Variants in TSEN2 observed in about 807,000 individuals in gnomAD.
TSEN2 encodes the protein tRNA splicing endonuclease subunit 2, also known as tRNA-splicing endonuclease subunit Sen2.
TSEN2 carries 54 observed loss-of-function variants against 59.2 expected under a neutral mutation model. The ratio of observed to expected loss-of-function variants is 0.91; its 90% CI spans 0.73 to 1.14. TSEN2 has a LOEUF of 1.14. TSEN2 is among the 50% of genes most tolerant of loss of function. The probability of loss-of-function intolerance (pLI) is 0.00; values close to 1 mark genes in which losing one functional copy is unlikely to be tolerated. For synonymous variants in TSEN2, 195 were observed against 198.2 expected (o/e 0.98, Z 0.14); for missense variants, 636 against 576.2 (o/e 1.10, Z -1.06).
chr3:12,517,938 CA>C (rs3839097), intron 7 of TSEN2, among the ~76,000 whole-genome samples: 52 of 140,094 alleles, frequency 3.7e-4, no homozygotes, highest in African/African-American at 1.1e-3. Context: ...GGAACAACTG[CA>C]AAAAAAAAAC....
intron 4 of TSEN2, among the ~76,000 whole-genome samples, chr3:12,498,048 G>A (rs2053928772): frequency 6.6e-6 from 1 of 150,742 alleles, no homozygotes; most frequent in African/African-American, 2.4e-5. Context: ...GTGTTTCTGT[G>A]TGTCTTTGTC....
At chr3:12,491,109 G>A (rs1030636611) in intron 2 of TSEN2, among the ~76,000 whole-genome samples, 4 of 152,058 alleles carry the variant, frequency 2.6e-5, no homozygotes, top group Non-Finnish European at 5.9e-5. Context: ...TACCACCTCA[G>A]CCTCCCGAGT....
At chr3:12,480,745 G>C (rs2052183770), upstream of TSEN2, among the ~76,000 whole-genome samples, 1 of 151,854 alleles carries the variant, frequency 6.6e-6, no homozygotes, top group South Asian at 2.1e-4. Context: ...TGTTGGCCAG[G>C]CTGGTCTTGA....
At chr3:12,537,536 C>G (rs527738333), downstream of TSEN2, among the ~76,000 whole-genome samples, 2 of 152,246 alleles carry the variant, frequency 1.3e-5, no homozygotes, top group East Asian at 3.9e-4. Flanking sequence ...TTGATAAAAG[C>G]AAATCCTCAT....
At chr3:12,535,319 T>A (rs2057650074), downstream of TSEN2, among the ~76,000 whole-genome samples, 1 of 152,200 alleles carries the variant, frequency 6.6e-6, no homozygotes, top group South Asian at 2.1e-4. Flanking sequence ...TTTCTAAAGT[T>A]GATCTTAAAA....
intron 10 of TSEN2, 136 bp downstream of exon 10, chr3:12,530,009 T>A: frequency 1.3e-6 from 2 of 1,488,250 alleles, no homozygotes; most frequent in Non-Finnish European, 1.8e-6. Flanking sequence ...GCTGGAAGAT[T>A]TGGGGTCATT....
At position 12,489,875 on chromosome 3, in the gene TSEN2, C is replaced by T; in HGVS notation, c.75C>T (p.Ile25=). ...VYETYESPLP[I]PFGQDHGPLK... ...AGACTTACGAGTCTCCATTGCCAAT[C>T]CCTTTTGGTCAGGACCATGGTCCTC... The change falls in exon 2 of 12, where the codon ATC becomes ATT. Residue 25 remains isoleucine, a synonymous_variant. Transcript: ENST00000284995. 1 of 1,614,096 alleles carries T rather than the reference C, an allele frequency of 6.2e-7. No individual in the cohort carries two copies. The highest frequency in any genetic ancestry group is 8.5e-7 in the Non-Finnish European group (1 of 1,180,016).
At chr3:12,530,060 A>G (rs2057366941) in intron 10 of TSEN2, 187 bp downstream of exon 10, 2 of 1,430,016 alleles carry the variant, frequency 1.4e-6, no homozygotes, top group Non-Finnish European at 1.8e-6. Context: ...TCCTCCCCTC[A>G]TGTTACATTT....
chr3:12,527,991 A>G (rs1442466264), intron 8 of TSEN2, among the ~76,000 whole-genome samples: 1 of 152,188 alleles, frequency 6.6e-6, no homozygotes, highest in Non-Finnish European at 1.5e-5. Context: ...TTCACTGAGT[A>G]GCTCTCGACC....
At chr3:12,527,694 A>G (rs1024964756) in intron 8 of TSEN2, among the ~76,000 whole-genome samples, 1 of 152,120 alleles carries the variant, frequency 6.6e-6, no homozygotes, top group Non-Finnish European at 1.5e-5. Context: ...ATTTTTGTTC[A>G]TGTGAAATCC....
chr3:12,534,722 T>C (rs2057628907), downstream of TSEN2, among the ~76,000 whole-genome samples: 1 of 149,038 alleles, frequency 6.7e-6, no homozygotes, highest in Non-Finnish European at 1.5e-5. Flanking sequence ...GAGAATGGCA[T>C]GAACCCAGGA....
intron 8 of TSEN2, among the ~76,000 whole-genome samples, chr3:12,521,960 G>A (rs183824896): frequency 1.7e-4 from 26 of 152,154 alleles, no homozygotes; most frequent in African/African-American, 5.5e-4. Flanking sequence ...GCAGTGAGCC[G>A]ATTGCGCTAC....
At position 12,509,192 on chromosome 3, in the gene TSEN2, G is replaced by T. The variant is rs139732350; in HGVS notation, c.909+3961G>T. The stretch of plus-strand genomic sequence containing the variant: ...CTGTCAACTTTGGGGGTTTTTTTTG[G>T]TTTTTTTTGTTGTTGTTTTTTTTTT... On this transcript the variant is annotated intron_variant, in intron 6 of 11. Coordinates refer to ENST00000284995, the MANE Select transcript of TSEN2 (RefSeq NM_025265.4). 3.3e-3 allele frequency among the ~76,000 whole-genome samples: 457 copies of T among 136,542 alleles called. 1 individual carries two copies. The highest frequency in any genetic ancestry group is 0.012 in the African/African-American group (386 of 32,258). The allele number at this position is 136,542 out of a possible 152,430, so 89.6% of individuals were successfully genotyped here. A position where few individuals can be genotyped will look rare whatever the true frequency, so the allele number is the denominator to read the frequency against.
downstream of TSEN2, among the ~76,000 whole-genome samples, chr3:12,534,198 C>T (rs1028284525): frequency 2.6e-5 from 4 of 152,280 alleles, no homozygotes; most frequent in Non-Finnish European, 4.4e-5. Flanking sequence ...TCCTCTACCT[C>T]GGGTGGGGTG....
At chr3:12,535,535 CGTT>C (rs1364422299), downstream of TSEN2, among the ~76,000 whole-genome samples, 5 of 151,970 alleles carry the variant, frequency 3.3e-5, no homozygotes, top group Non-Finnish European at 4.4e-5. Context: ...TTCTTTCTAA[CGTT>C]GTGTGTGTGT....
At chr3:12,531,791 T>G (rs1286191443) in intron 11 of TSEN2, 132 bp downstream of exon 11, 1 of 697,438 alleles carries the variant, frequency 1.4e-6, no homozygotes. Flanking sequence ...GGCAGGCTCT[T>G]AAGTCTCTCA....
intron 6 of TSEN2, among the ~76,000 whole-genome samples, chr3:12,510,387 G>A (rs935277931): frequency 5.3e-5 from 8 of 152,150 alleles, no homozygotes; most frequent in Admixed American, 1.3e-4. Context: ...CAGTTTTAGA[G>A]GCTGCCTTAC....
chr3:12,483,604 C>T (rs1376314588), upstream of TSEN2, among the ~76,000 whole-genome samples: 1 of 152,194 alleles, frequency 6.6e-6, no homozygotes, highest in African/African-American at 2.4e-5. Context: ...GAGGCAAGAA[C>T]ATTGGCAGAA....
intron 3 of TSEN2, among the ~76,000 whole-genome samples, chr3:12,495,317 C>T (rs2053641858): frequency 6.6e-6 from 1 of 152,080 alleles, no homozygotes; most frequent in Admixed American, 6.6e-5. Flanking sequence ...GCAACCTCCA[C>T]CTCCTGGGCT....
Sources: allele counts gnomAD v4.1 joint callset (sites outside exome capture counted in the v4.1 genomes callset), GRCh38; gene constraint gnomAD v4.1.1; transcripts MANE v1.5; gene names NCBI Gene and HGNC (gene_info 2026-07-23, HGNC 2026-07-21).